GALNT16: variants seen among roughly 807,000 people sequenced by gnomAD.
GALNT16 encodes the protein polypeptide N-acetylgalactosaminyltransferase 16, also known as UDP-GalNAc:polypeptide N-acetylgalactosaminyltransferase-like protein 1.
GALNT16 carries 40 observed loss-of-function variants against 76.1 expected under a neutral mutation model. The ratio of observed to expected loss-of-function variants is 0.53; its 90% CI spans 0.41 to 0.68. GALNT16 has a LOEUF of 0.68. Among genes scored for constraint, GALNT16 ranks in the 30% least tolerant of loss-of-function variants. GALNT16 has a pLI of 0.00. For synonymous variants in GALNT16, 276 were observed against 285.2 expected (o/e 0.97, Z 0.32); for missense variants, 621 against 731.9 (o/e 0.85, Z 1.75).
chr14:69,370,256 T>C, the GALNT16 span, among the ~76,000 whole-genome samples: 1 of 152,180 alleles, frequency 6.6e-6, no homozygotes, highest in Non-Finnish European at 1.5e-5. Context: ...CCTTGCAAGC[T>C]CCGCCTGCCA....
At chr14:69,341,622 T>G in intron 11 of GALNT16, 59 bp from the exon 12 acceptor site, 2 of 1,129,698 alleles carry the variant, frequency 1.8e-6, no homozygotes, top group Non-Finnish European at 2.6e-6. Context: ...TCTGGCATCC[T>G]CCCTCGGGCT....
At chr14:69,345,520 G>A (rs961978435) in intron 12 of GALNT16, among the ~76,000 whole-genome samples, 3 of 152,182 alleles carry the variant, frequency 2.0e-5, no homozygotes, top group African/African-American at 4.8e-5. Context: ...GGCCCAGATT[G>A]TTTCACTGAC....
At chr14:69,377,034 C>T in the GALNT16 span, among the ~76,000 whole-genome samples, 2 of 152,146 alleles carry the variant, frequency 1.3e-5, no homozygotes, top group Admixed American at 6.5e-5. Flanking sequence ...TCTTGGATGG[C>T]TGTGTGAACT....
chr14:69,288,681 G>C (rs2044650163), intron 1 of GALNT16, among the ~76,000 whole-genome samples: 1 of 152,156 alleles, frequency 6.6e-6, no homozygotes, highest in Admixed American at 6.5e-5. Context: ...TCTCTTCAAG[G>C]ATCAGAACTT....
chr14:69,325,528 G>T (rs1035094797), intron 4 of GALNT16, 124 bp downstream of exon 4: 5 of 714,656 alleles, frequency 7.0e-6, no homozygotes, highest in Non-Finnish European at 1.3e-5. Flanking sequence ...CCCCAGCAGG[G>T]ATCCTGTCTT....
At position 69,325,846 on chromosome 14, in the gene GALNT16, A is replaced by G. The variant is rs2045275573; in HGVS notation, c.503-116A>G. 4 of 790,326 alleles carry G rather than the reference A, an allele frequency of 5.1e-6. No individual in the cohort carries two copies. In the Admixed American group the frequency reaches 7.8e-5, roughly 15 times the overall value. The allele number at this position is 790,326 out of a possible 1,614,324, so 49.0% of individuals were successfully genotyped here. ...GTAGTGATGACCATACCTCTTCCCA[A>G]TCCCCATCCCCAACCCTTTCCTGGG... On this transcript the variant is annotated intron_variant, in intron 4 of 14. Coordinates refer to ENST00000448469, the MANE Select transcript of GALNT16 (RefSeq NM_001168368.2).
At chr14:69,272,500 G>A (rs1566859610) in intron 1 of GALNT16, among the ~76,000 whole-genome samples, 1 of 152,144 alleles carries the variant, frequency 6.6e-6, no homozygotes, top group Non-Finnish European at 1.5e-5. Flanking sequence ...GATTATAATG[G>A]AACTGAAATA....
chr14:69,289,706 G>A (rs1021098477), intron 1 of GALNT16, among the ~76,000 whole-genome samples: 2 of 152,076 alleles, frequency 1.3e-5, no homozygotes, highest in Middle Eastern at 3.2e-3. Context: ...CAAAACAAAC[G>A]CTGTCCCCAG....
intron 2 of GALNT16, among the ~76,000 whole-genome samples, chr14:69,323,822 T>G (rs1264110682): frequency 6.6e-6 from 1 of 152,066 alleles, no homozygotes; most frequent in Non-Finnish European, 1.5e-5. Flanking sequence ...CTGCTGTCAG[T>G]AGAATGAATG....
At chr14:69,270,257 C>T (rs1221884558) in intron 1 of GALNT16, among the ~76,000 whole-genome samples, 1 of 152,148 alleles carries the variant, frequency 6.6e-6, no homozygotes, top group Non-Finnish European at 1.5e-5. Context: ...GCAGCTGTTT[C>T]TCGGGCAGGT....
At chr14:69,338,629 T>G in intron 9 of GALNT16, 22 bp from the exon 10 acceptor site, 1 of 1,609,624 alleles carries the variant, frequency 6.2e-7, no homozygotes, top group African/African-American at 1.3e-5. Flanking sequence ...TTCCTCCTCC[T>G]GACGGCTACT....
At chr14:69,323,033 TGGCTTTAGTG>T in intron 2 of GALNT16, among the ~76,000 whole-genome samples, 1 of 146,308 alleles carries the variant, frequency 6.8e-6, no homozygotes, top group East Asian at 2.1e-4. Flanking sequence ...AAGGACGTGC[TGGCTTTAGTG>T]GGCAGGCCTC....
At chr14:69,375,377 G>T in the GALNT16 span, among the ~76,000 whole-genome samples, 1 of 152,236 alleles carries the variant, frequency 6.6e-6, no homozygotes, top group East Asian at 1.9e-4. Context: ...GAAATGTTTA[G>T]ACCATTTACA....
Position 69,324,725 on chromosome 14 carries a change from A to G in GALNT16, c.369A>G (p.Pro123=), listed in dbSNP as rs200683823. Residue 123 remains proline, a synonymous_variant, in exon 3 of 15, where the codon CCA becomes CCG. Coordinates refer to ENST00000448469, the MANE Select transcript of GALNT16 (RefSeq NM_001168368.2). ...CPSVSYSSDL[P]ATSVIITFHN... is the part of the protein sequence containing the mutation. Reference sequence around the variant, plus strand: ...CTGTGTCCTACTCCTCGGACCTGCCAGCCACCAGCGTCATCATCACCTTCC... The same window carrying G: ...CTGTGTCCTACTCCTCGGACCTGCCGGCCACCAGCGTCATCATCACCTTCC... 9 of 1,612,988 alleles carry G rather than the reference A, an allele frequency of 5.6e-6. No homozygotes were observed. In the East Asian group the frequency reaches 1.8e-4, roughly 32 times the overall value.
chr14:69,307,961 G>A (rs555012055), intron 1 of GALNT16, among the ~76,000 whole-genome samples: 1 of 152,144 alleles, frequency 6.6e-6, no homozygotes, highest in South Asian at 2.1e-4. Flanking sequence ...AGTCAAGTTG[G>A]GTTGCCAACC....
chr14:69,356,496 C>T (rs34731892), downstream of GALNT16: 64,845 of 149,092 alleles, frequency 0.43, 14,434 homozygotes, highest in Middle Eastern at 0.6. Context: ...AAATCAACTT[C>T]AAAAAATACC....
chr14:69,334,029 A>G (rs1419099424), intron 9 of GALNT16, among the ~76,000 whole-genome samples: 2 of 152,256 alleles, frequency 1.3e-5, no homozygotes, highest in African/African-American at 4.8e-5. Flanking sequence ...CCCTGACCCT[A>G]CCACCTGCAT....
intron 1 of GALNT16, among the ~76,000 whole-genome samples, chr14:69,278,939 T>G (rs2044506524): frequency 6.6e-6 from 1 of 152,096 alleles, no homozygotes; most frequent in East Asian, 1.9e-4. Flanking sequence ...TTAATTTTTT[T>G]TTTTTTTTTG....
At chr14:69,274,169 C>T (rs182667143) in intron 1 of GALNT16, among the ~76,000 whole-genome samples, 1 of 152,230 alleles carries the variant, frequency 6.6e-6, no homozygotes, top group East Asian at 1.9e-4. Context: ...AGTTAATTCA[C>T]ATCAAGAGTT....
Sources: allele counts gnomAD v4.1 joint callset (sites outside exome capture counted in the v4.1 genomes callset), GRCh38; gene constraint gnomAD v4.1.1; transcripts MANE v1.5; gene names NCBI Gene and HGNC (gene_info 2026-07-23, HGNC 2026-07-21).